DPP6: variants seen among roughly 807,000 people sequenced by gnomAD.
DPP6 encodes the protein A-type potassium channel modulatory protein DPP6.
In DPP6, 69 loss-of-function variants were observed where a neutral mutation model predicts 122.6. That is an observed-to-expected ratio of 0.56 (90% CI 0.46 to 0.69). The LOEUF is 0.69. Among genes scored for constraint, DPP6 ranks in the 30% least tolerant of loss-of-function variants. The pLI, the probability that DPP6 is intolerant of heterozygous loss-of-function variation, is 0.00. For missense variants in DPP6, 928 were observed against 1,116.9 expected (o/e 0.83, Z 2.41); for synonymous variants, 418 against 433.1 (o/e 0.97, Z 0.43).
chr7:154,804,142 C>T (rs1373590973), intron 14 of DPP6, among the ~76,000 whole-genome samples, 187 bp downstream of exon 14: 1 of 152,220 alleles, frequency 6.6e-6, no homozygotes, highest in Non-Finnish European at 1.5e-5. Context: ...GTCCGACTTC[C>T]AGAGCTGCGG....
At chr7:154,299,050 G>A (rs1002311995) in intron 1 of DPP6, among the ~76,000 whole-genome samples, 9 of 152,230 alleles carry the variant, frequency 5.9e-5, no homozygotes, top group Non-Finnish European at 1.2e-4. Context: ...GCAAGCTGAG[G>A]AGAATTGAAT....
intron 3 of DPP6, among the ~76,000 whole-genome samples, chr7:154,476,482 T>C (rs1428985388): frequency 6.6e-6 from 1 of 152,126 alleles, no homozygotes; most frequent in Non-Finnish European, 1.5e-5. Flanking sequence ...GAGGAAAACA[T>C]GACAACTCTC....
intron 1 of DPP6, among the ~76,000 whole-genome samples, chr7:154,429,307 C>T (rs1410154496): frequency 6.6e-6 from 1 of 152,226 alleles, no homozygotes; most frequent in Admixed American, 6.5e-5. Flanking sequence ...TTTGCTGACG[C>T]TCCTCTGACC....
intron 1 of DPP6, among the ~76,000 whole-genome samples, chr7:153,978,351 T>C (rs1796414415): frequency 6.6e-6 from 1 of 152,246 alleles, no homozygotes; most frequent in African/African-American, 2.4e-5. Context: ...ATAAATGTCT[T>C]CGTTTGAAAA....
chr7:154,434,713 G>A (rs939610850), intron 1 of DPP6, among the ~76,000 whole-genome samples: 1 of 152,132 alleles, frequency 6.6e-6, no homozygotes, highest in Admixed American at 6.5e-5. Flanking sequence ...TGACTCTCTA[G>A]ACAGTTGAGT....
At chr7:154,107,336 A>T (rs371272352) in intron 1 of DPP6, among the ~76,000 whole-genome samples, 353 of 152,374 alleles carry the variant, frequency 2.3e-3, no homozygotes, top group African/African-American at 7.9e-3. Context: ...AGCCAGGCAC[A>T]GAAAGACAAA....
At chr7:153,810,528 A>G in the DPP6 span, among the ~76,000 whole-genome samples, 1 of 152,128 alleles carries the variant, frequency 6.6e-6, no homozygotes, top group Non-Finnish European at 1.5e-5. Context: ...TAGGAATTAG[A>G]GGAGGGAAGA....
chr7:154,055,971 C>A (rs1179290447), intron 1 of DPP6: 1 of 152,212 alleles, frequency 6.6e-6, no homozygotes, highest in Non-Finnish European at 1.5e-5. Context: ...CATGTGTGTA[C>A]ACCTACATGC....
At chr7:154,441,298 G>A (rs1397765321) in intron 1 of DPP6, among the ~76,000 whole-genome samples, 1 of 152,122 alleles carries the variant, frequency 6.6e-6, no homozygotes, top group African/African-American at 2.4e-5. Context: ...ATGCACTTTC[G>A]AGTTCTTTCT....
intron 1 of DPP6, among the ~76,000 whole-genome samples, chr7:154,310,785 G>A (rs1806803909): frequency 2.0e-5 from 3 of 152,088 alleles, no homozygotes; most frequent in South Asian, 2.1e-4. Context: ...CAGCGTGCAC[G>A]TGGAAAGTGT....
At chr7:153,919,655 A>G (rs1431777577) in intron 1 of DPP6, among the ~76,000 whole-genome samples, 1 of 152,234 alleles carries the variant, frequency 6.6e-6, no homozygotes. Context: ...GTCAGGGGGA[A>G]ATAAGAATTA....
chr7:153,993,241 G>A (rs1797266547), intron 1 of DPP6, among the ~76,000 whole-genome samples: 1 of 152,184 alleles, frequency 6.6e-6, no homozygotes, highest in Non-Finnish European at 1.5e-5. Context: ...GAGTGCTGAT[G>A]CAATGAACAG....
At chr7:154,091,248 C>G (rs1804810735) in intron 1 of DPP6, among the ~76,000 whole-genome samples, 1 of 152,186 alleles carries the variant, frequency 6.6e-6, no homozygotes, top group Non-Finnish European at 1.5e-5. Context: ...AGTGGGCACT[C>G]ACAGCAAATA....
intron 1 of DPP6, among the ~76,000 whole-genome samples, chr7:154,086,826 C>T (rs997785993): frequency 2.0e-5 from 3 of 152,074 alleles, no homozygotes; most frequent in Admixed American, 6.6e-5. Flanking sequence ...ACCATGTTGG[C>T]CAGGATGGTC....
intron 1 of DPP6, among the ~76,000 whole-genome samples, chr7:154,349,216 C>T (rs1391735605): frequency 6.6e-6 from 1 of 152,198 alleles, no homozygotes; most frequent in Non-Finnish European, 1.5e-5. Flanking sequence ...CGCTCTGTCA[C>T]CCAGGCTGGA....
At chr7:154,667,900 C>T (rs918678143) in intron 6 of DPP6, among the ~76,000 whole-genome samples, 16 of 151,964 alleles carry the variant, frequency 1.1e-4, no homozygotes, top group Non-Finnish European at 1.6e-4. Context: ...CCTGGCTTCT[C>T]CAAACCCAGA....
intron 1 of DPP6, among the ~76,000 whole-genome samples, chr7:154,260,694 A>T (rs1802955203): frequency 6.8e-6 from 1 of 147,638 alleles, no homozygotes; most frequent in South Asian, 2.1e-4. Context: ...ATATATGTAT[A>T]ATATATATTA....
intron 1 of DPP6, among the ~76,000 whole-genome samples, chr7:154,192,665 G>A (rs965144348): frequency 3.9e-5 from 6 of 152,266 alleles, no homozygotes; most frequent in African/African-American, 1.4e-4. Context: ...TCAATTAGAT[G>A]CTTTTATAAA....
the DPP6 span, among the ~76,000 whole-genome samples, chr7:153,797,917 C>A: frequency 6.6e-6 from 1 of 152,130 alleles, no homozygotes; most frequent in African/African-American, 2.4e-5. Flanking sequence ...TCTTGGCTCA[C>A]TATAAGCTCC....
Sources: allele counts gnomAD v4.1 joint callset (sites outside exome capture counted in the v4.1 genomes callset), GRCh38; gene constraint gnomAD v4.1.1; transcripts MANE v1.5; gene names NCBI Gene and HGNC (gene_info 2026-07-23, HGNC 2026-07-21).